The following AHNAK variants were observed in gnomAD, a reference collection of about 807,000 sequenced individuals.
AHNAK encodes the protein AHNAK nucleoprotein, also known as neuroblast differentiation-associated protein AHNAK.
In AHNAK, 23 loss-of-function variants were observed where a neutral mutation model predicts 37.8. The observed-to-expected ratio is 0.61, with a 90% confidence interval of 0.44 to 0.86. The LOEUF is 0.86. Ranked by LOEUF, AHNAK falls within the 40% of genes least tolerant of loss-of-function variation. The probability of loss-of-function intolerance (pLI) is 0.00; values close to 1 mark genes in which losing one functional copy is unlikely to be tolerated. For synonymous variants in AHNAK, 2,481 were observed against 2,636.3 expected, an observed-to-expected ratio of 0.94 and a Z score of 1.80; for missense variants, 7,411 against 7,319.4, an observed-to-expected ratio of 1.01 and a Z score of -0.46.
At chr11:62,433,723 A>C (rs78106831) in exon 6 of AHNAK, 1 of 900,028 alleles carries the variant, frequency 1.1e-6, no homozygotes, top group Non-Finnish European at 1.7e-6. Context: ...AGCTATAAAC[A>C]TGCATGCTCC....
intron 5 of AHNAK, among the ~76,000 whole-genome samples, chr11:62,480,197 T>G (rs886978756): frequency 1.3e-5 from 2 of 152,214 alleles, no homozygotes; most frequent in South Asian, 4.1e-4. Context: ...CACAGAACCC[T>G]CAGCCCTGCC....
At position 62,522,356 on chromosome 11, in the gene AHNAK, C is replaced by A. The variant is rs1467679817; in HGVS notation, c.12061G>T (p.Val4021Phe). The A allele has an allele frequency of 1.2e-6, 2 of 1,613,644 alleles. No homozygotes were observed. ...TCACCTTCCATCTTAGGCAGAGAAA[C>A]ATCCACATCTCCTTTCACCTTAGGG... ...KGPKVKGDVD[V>F]SLPKMEGDLK... The change falls in exon 5 of 5, where the codon GTT becomes TTT. Residue 4021 changes from valine to phenylalanine, a missense_variant. Val to Phe is a conservative substitution (Grantham distance 50). Transcript: ENST00000378024.
intron 5 of AHNAK, among the ~76,000 whole-genome samples, chr11:62,448,657 T>C (rs1236015217): frequency 6.6e-6 from 1 of 152,118 alleles, no homozygotes; most frequent in Non-Finnish European, 1.5e-5. Flanking sequence ...TGAGTTCCAT[T>C]TGGGAAATGC....
At chr11:62,490,197 CTTTTTTTT>C (rs944550481) in intron 5 of AHNAK, among the ~76,000 whole-genome samples, 5 of 115,932 alleles carry the variant, frequency 4.3e-5, no homozygotes, top group Admixed American at 3.6e-4. Flanking sequence ...TTTTCTTTTT[CTTTTTTTT>C]TTTTTTTTTT....
chr11:62,439,125 G>T (rs1004995345), intron 5 of AHNAK, among the ~76,000 whole-genome samples: 2 of 126,300 alleles, frequency 1.6e-5, no homozygotes, highest in African/African-American at 6.1e-5. Flanking sequence ...ATGGAGTCTC[G>T]CTCTGTCACC....
At chr11:62,438,808 C>T (rs983127995) in intron 5 of AHNAK, among the ~76,000 whole-genome samples, 60 of 152,236 alleles carry the variant, frequency 3.9e-4, no homozygotes, top group Non-Finnish European at 3.4e-4. Flanking sequence ...CTTCCTCTGG[C>T]GTGGAGACAA....
chr11:62,442,611 G>A (rs190707383), intron 5 of AHNAK, among the ~76,000 whole-genome samples: 22 of 151,938 alleles, frequency 1.4e-4, no homozygotes, highest in East Asian at 1.2e-3. Context: ...TGGCTCACGC[G>A]TGTAATCCCA....
chr11:62,501,200 CAA>C (rs1285667960), intron 4 of AHNAK, among the ~76,000 whole-genome samples: 1 of 129,560 alleles, frequency 7.7e-6, no homozygotes, highest in South Asian at 2.5e-4. Flanking sequence ...AGACCCCATC[CAA>C]AAAAAAAAAA....
intron 1 of AHNAK, among the ~76,000 whole-genome samples, chr11:62,542,275 G>T (rs938172202): frequency 6.6e-6 from 1 of 151,974 alleles, no homozygotes. Context: ...CCCTATGCCT[G>T]TTTACCTGGC....
At position 62,518,731 on chromosome 11, in the gene AHNAK, G is replaced by A; in HGVS notation, c.15686C>T (p.Ala5229Val). Reference protein sequence around the residue: ...GPDVDLQGPEAKIKFPKFSMP... With the variant: ...GPDVDLQGPEVKIKFPKFSMP... ...GGAAAACTTGGGGAACTTAATTTTT[G>A]CTTCTGGACCTTGCAGATCTACATC... The change falls in exon 5 of 5, where the codon GCA becomes GTA. Residue 5229 changes from alanine to valine, a missense_variant. By Grantham distance (64) the Ala-to-Val change is moderately conservative. Coordinates refer to ENST00000378024, the MANE Select transcript of AHNAK (RefSeq NM_001620.3). 1.2e-6 allele frequency: 2 copies of A among 1,613,928 alleles called. No individual in the cohort carries two copies. The highest frequency in any genetic ancestry group is 1.7e-6 in the Non-Finnish European group (2 of 1,179,956).
intron 5 of AHNAK, among the ~76,000 whole-genome samples, chr11:62,489,344 G>GGCTGAGCCAAGA (rs1275321343): frequency 2.6e-5 from 4 of 152,090 alleles, no homozygotes; most frequent in Non-Finnish European, 5.9e-5. Flanking sequence ...AAGTGGTGCG[G>GGCTGAGCCAAGA]GCTGAGCCAA....
At position 62,516,791 on chromosome 11, in the gene AHNAK, T is replaced by C. The variant is rs756539234; in HGVS notation, c.17626A>G (p.Ile5876Val). The C allele has an allele frequency of 5.0e-6, 8 of 1,613,798 alleles. No individual in the cohort carries two copies. The highest frequency in any genetic ancestry group is 6.8e-6 in the Non-Finnish European group (8 of 1,179,880). ...SSNDSGNKVG[I>V]QLPEVELSVS... is the part of the protein sequence containing the mutation. The stretch of plus-strand genomic sequence containing the variant: ...GACAGCTCCACCTCGGGAAGCTGGA[T>C]GCCAACCTTATTCCCACTGTCATTG... The change falls in exon 5 of 5, where the codon ATC becomes GTC. Residue 5876 changes from isoleucine to valine, a missense_variant. Transcript: ENST00000378024.
At chr11:62,465,168 G>A (rs890782528) in intron 5 of AHNAK, among the ~76,000 whole-genome samples, 9 of 152,152 alleles carry the variant, frequency 5.9e-5, no homozygotes, top group African/African-American at 2.2e-4. Flanking sequence ...GTGCCAAGCA[G>A]TCTCTTGGCT....
chr11:62,434,935 A>AAAAAC (rs1301624290), intron 5 of AHNAK, among the ~76,000 whole-genome samples: 23 of 131,504 alleles, frequency 1.7e-4, no homozygotes, highest in African/African-American at 8.0e-4. Flanking sequence ...CCTGTCTCAA[A>AAAAAC]AAAAAAAAAA....
chr11:62,500,409 G>A (rs1205142076), intron 4 of AHNAK, among the ~76,000 whole-genome samples: 1 of 152,152 alleles, frequency 6.6e-6, no homozygotes, highest in Non-Finnish European at 1.5e-5. Context: ...AGTTCACACA[G>A]GTGCTAGAAG....
intron 5 of AHNAK, among the ~76,000 whole-genome samples, chr11:62,473,125 G>A (rs1370748128): frequency 1.4e-5 from 2 of 144,142 alleles, no homozygotes; most frequent in African/African-American, 5.2e-5. Flanking sequence ...GGCCAGGTGC[G>A]GTGGCTCATG....
rs147230672 is a variant in AHNAK, at chr11:62,522,471, C to T, written c.11946G>A (p.Ala3982=). 65 of 1,608,662 alleles carry T rather than the reference C, an allele frequency of 4.0e-5. No individual in the cohort carries two copies. Among genetic ancestry groups the T allele is most frequent in the African/African-American group, 3.4e-4 (25 of 73,212 alleles). Reference sequence around the variant, plus strand: ...TCTTGAATTTAGGGCCCTTCAGTTTCGCATCTGGACCTTCAATATTCACAT... The same window carrying T: ...TCTTGAATTTAGGGCCCTTCAGTTTTGCATCTGGACCTTCAATATTCACAT... ...VPDVNIEGPD[A]KLKGPKFKMP... The change falls in exon 5 of 5, where the codon GCG becomes GCA. Residue 3982 remains alanine, a synonymous_variant. Transcript: ENST00000378024.
intron 5 of AHNAK, among the ~76,000 whole-genome samples, chr11:62,456,780 C>G (rs1453724239): frequency 6.6e-6 from 1 of 152,204 alleles, no homozygotes; most frequent in Non-Finnish European, 1.5e-5. Flanking sequence ...ATAAGCCCCA[C>G]CCCTGCCACC....
In AHNAK at chr11:62,532,619, C is replaced by A. The variant is rs779353768; in HGVS notation, c.1798G>T (p.Val600Phe). 1 of 1,614,040 alleles carries A rather than the reference C, an allele frequency of 6.2e-7. No homozygotes were observed. The highest frequency in any genetic ancestry group is 8.5e-7 in the Non-Finnish European group (1 of 1,180,040). ...TLPRVEGKVK[V>F]PEVDVRGPKV... ...GGGCCTCTGACATCAACTTCAGGGA[C>A]TTTGACTTTCCCTTCTACTCTGGGG... is the stretch of plus-strand genomic sequence containing the variant. Residue 600 changes from valine (V) to phenylalanine (F), a missense_variant, in exon 5 of 5, where the codon GTC becomes TTC. Physicochemically the swap from Val to Phe is conservative, Grantham distance 50 (BLOSUM62 -1). Transcript: ENST00000378024.
Sources: gnomAD v4.1 joint callset for allele counts (sites outside exome capture counted in the v4.1 genomes callset) on GRCh38, gnomAD v4.1.1 for gene constraint, MANE v1.5 for transcripts, NCBI Gene and HGNC (gene_info 2026-07-23, HGNC 2026-07-21) for gene names.